The following HIRA variants were observed in gnomAD, a reference collection of about 807,000 sequenced individuals.
HIRA encodes the protein histone cell cycle regulator.
In HIRA, 13 loss-of-function variants were observed where a neutral mutation model predicts 126.6. The observed-to-expected ratio is 0.10, with a 90% CI of 0.07 to 0.16. The LOEUF (loss-of-function observed/expected upper bound fraction) is 0.16, where lower values mean the gene tolerates loss of function less well. Ranked by LOEUF, HIRA falls within the 10% of genes least tolerant of loss-of-function variation. The pLI, the probability that HIRA is intolerant of heterozygous loss-of-function variation, is 1.00. For synonymous variants in HIRA, 511 were observed against 520.0 expected, an observed-to-expected ratio of 0.98 and a Z score of 0.24; for missense variants, 834 against 1,314.4, an observed-to-expected ratio of 0.63 and a Z score of 5.65.
chr22:19,363,826 A>T (rs2088887702), intron 15 of HIRA, among the ~76,000 whole-genome samples: 1 of 152,168 alleles, frequency 6.6e-6, no homozygotes, highest in East Asian at 1.9e-4. Flanking sequence ...TGAACCTGGG[A>T]GGCGGAGGTT....
At position 19,375,791 on chromosome 22, in the gene HIRA, T is replaced by G. The variant is rs369731182; in HGVS notation, c.1615A>C (p.Met539Leu). The change falls in exon 15 of 25, where the codon ATG becomes CTG. Residue 539 changes from methionine to leucine, a missense_variant and splice_region_variant. By Grantham distance (15) the Met-to-Leu change is conservative (BLOSUM62 2). This residue lies in a region of HIRA where 468 missense variants were observed against 574.2 expected (regional missense o/e 0.82). Coordinates refer to ENST00000263208, the MANE Select transcript of HIRA (RefSeq NM_003325.4). ...GCAGCAGGAGTAGAGGTAGCATTCATACTGGGGTGAAGAAGAGGGGAGGCA... is the reference window on the plus strand; with the variant it reads ...GCAGCAGGAGTAGAGGTAGCATTCAGACTGGGGTGAAGAAGAGGGGAGGCA... Reference protein sequence around the residue: ...PAGDSVNKDSMNATSTPAALS... With the variant: ...PAGDSVNKDSLNATSTPAALS... The G allele has an allele frequency of 6.2e-7, 1 of 1,613,960 alleles. No homozygotes were observed. Among genetic ancestry groups the G allele is most frequent in the African/African-American group, 1.3e-5 (1 of 74,904 alleles).
intron 1 of HIRA, among the ~76,000 whole-genome samples, chr22:19,422,303 C>G (rs887290391): frequency 1.3e-5 from 2 of 151,790 alleles, no homozygotes; most frequent in African/African-American, 4.8e-5. Context: ...CCACCAGCTC[C>G]AACCATTTCT....
chr22:19,366,918 C>T (rs1046919060), intron 15 of HIRA, among the ~76,000 whole-genome samples: 3 of 152,106 alleles, frequency 2.0e-5, no homozygotes, highest in Non-Finnish European at 4.4e-5. Context: ...TGCACCGTGA[C>T]AACCGGCTAA....
intron 1 of HIRA, among the ~76,000 whole-genome samples, chr22:19,414,017 G>A (rs1421745179): frequency 6.6e-6 from 1 of 152,098 alleles, no homozygotes; most frequent in African/African-American, 2.4e-5. Flanking sequence ...GCATGATGAT[G>A]ACAAAGATGA....
rs1202194985 is a variant in HIRA at position 19,390,387 on chromosome 22, G to A, written c.936+1714C>T. Among the ~76,000 whole-genome samples, 8 of 152,128 alleles carry A rather than the reference G, an allele frequency of 5.3e-5. No homozygotes were observed. In the East Asian group the frequency reaches 1.5e-3, roughly 29 times the overall value. On this transcript the variant is annotated intron_variant, in intron 9 of 24. Transcript: ENST00000263208. ...GCGGGCGGATCACCTGAGGTCAGGA[G>A]TTTGTGACCAGCCTGGACAACATGG... is the stretch of plus-strand genomic sequence containing the variant.
intron 9 of HIRA, among the ~76,000 whole-genome samples, chr22:19,388,993 A>G (rs2146221969): frequency 6.6e-6 from 1 of 152,284 alleles, no homozygotes; most frequent in East Asian, 1.9e-4. Context: ...CCTGGGCCCA[A>G]GGGACTCTGG....
At chr22:19,354,917 C>T (rs1258412400) in intron 21 of HIRA, among the ~76,000 whole-genome samples, 1 of 152,026 alleles carries the variant, frequency 6.6e-6, no homozygotes, top group Non-Finnish European at 1.5e-5. Context: ...CAGATGTGTG[C>T]CACTGCACCT....
rs373487406 is a variant in HIRA at position 19,334,092 on chromosome 22, A to G, written c.2938-2536T>C. 2.1e-3 allele frequency among the ~76,000 whole-genome samples: 316 copies of G among 151,564 alleles called. 15 individuals are homozygous for G. In the South Asian group the frequency reaches 0.064, roughly 31 times the overall value. ...TGGGTTCACACCATTCTCCTGCCTC[A>G]GCCTCCCGAGTAGCTGGGACTACAG... On this transcript the variant is annotated intron_variant, in intron 24 of 24. Transcript: ENST00000263208.
At chr22:19,422,193 CATACACAT>C (rs1318812876) in intron 1 of HIRA, among the ~76,000 whole-genome samples, 9 of 145,620 alleles carry the variant, frequency 6.2e-5, no homozygotes, top group East Asian at 3.9e-4. Flanking sequence ...CACACACACA[CATACACAT>C]ATATATATAT....
At chr22:19,382,107 G>C (rs1402707928) in intron 13 of HIRA, among the ~76,000 whole-genome samples, 1 of 151,990 alleles carries the variant, frequency 6.6e-6, no homozygotes, top group Non-Finnish European at 1.5e-5. Flanking sequence ...CTTCTTTCTT[G>C]ATTAGCTAAG....
chr22:19,336,787 A>C (rs1228389671), intron 24 of HIRA, among the ~76,000 whole-genome samples: 1 of 152,208 alleles, frequency 6.6e-6, no homozygotes, highest in African/African-American at 2.4e-5. Context: ...CAGAAGGGCA[A>C]TAATAATCAC....
At chr22:19,367,928 T>C (rs1297883990) in intron 15 of HIRA, among the ~76,000 whole-genome samples, 1 of 152,178 alleles carries the variant, frequency 6.6e-6, no homozygotes, top group African/African-American at 2.4e-5. Context: ...CACAACATAA[T>C]GAATAGCTTA....
At chr22:19,385,020 G>C (rs1017725307) in intron 12 of HIRA, among the ~76,000 whole-genome samples, 1 of 152,132 alleles carries the variant, frequency 6.6e-6, no homozygotes, top group African/African-American at 2.4e-5. Context: ...CTTGTAACTA[G>C]GGGTTTTCTC....
intron 1 of HIRA, among the ~76,000 whole-genome samples, chr22:19,428,128 A>G (rs1356933596): frequency 6.6e-6 from 1 of 152,244 alleles, no homozygotes; most frequent in Non-Finnish European, 1.5e-5. Context: ...TATAAGTCCA[A>G]GAATTTACAG....
intron 15 of HIRA, among the ~76,000 whole-genome samples, chr22:19,373,862 TA>T (rs1434536812): frequency 6.6e-6 from 1 of 152,082 alleles, no homozygotes; most frequent in African/African-American, 2.4e-5. Context: ...ATGTGGTCAT[TA>T]AAACTCAAGG....
In HIRA at chr22:19,431,554, C is replaced by T; in HGVS notation, c.-78G>A. The stretch of plus-strand genomic sequence containing the variant: ...GCCCGGGCCATGGAGCCACCGCCGC[C>T]GCTTCCTCCCGCGCCACCCGCCCTC... On this transcript the variant is annotated 5_prime_UTR_variant, in exon 1 of 25. Coordinates refer to ENST00000263208, the MANE Select transcript of HIRA (RefSeq NM_003325.4). 9.0e-7 allele frequency: 1 copy of T among 1,113,498 alleles called. No individual in the cohort carries two copies. Among genetic ancestry groups the T allele is most frequent in the Non-Finnish European group, 1.1e-6 (1 of 905,670 alleles). 69.0% of individuals were successfully genotyped at this position (1,113,498 alleles called of 1,614,324 possible). A position where few individuals can be genotyped will look rare whatever the true frequency, so the allele number is the denominator to read the frequency against.
At chr22:19,389,751 G>A (rs1222722569) in intron 9 of HIRA, among the ~76,000 whole-genome samples, 3 of 151,760 alleles carry the variant, frequency 2.0e-5, no homozygotes, top group East Asian at 1.9e-4. Context: ...TGGTTGCAGC[G>A]CCACAAACAG....
intron 24 of HIRA, among the ~76,000 whole-genome samples, chr22:19,349,446 G>C (rs1340914107): frequency 2.0e-5 from 3 of 152,278 alleles, no homozygotes; most frequent in South Asian, 2.1e-4. Flanking sequence ...TCTCTCAGAT[G>C]ATGGGGAAAA....
intron 1 of HIRA, among the ~76,000 whole-genome samples, chr22:19,418,773 G>A (rs560958871): frequency 6.6e-6 from 1 of 152,186 alleles, no homozygotes; most frequent in South Asian, 2.1e-4. Flanking sequence ...CAAAACTGGG[G>A]AAATAAATTT....
Sources: allele counts gnomAD v4.1 joint callset (sites outside exome capture counted in the v4.1 genomes callset), GRCh38; gene constraint gnomAD v4.1.1; regional missense constraint gnomAD v4.1.1; transcripts MANE v1.5; gene names NCBI Gene and HGNC (gene_info 2026-07-23, HGNC 2026-07-21).